Variants in UNC5C observed in about 807,000 individuals in gnomAD.
UNC5C encodes unc-5 netrin receptor C, also known as netrin receptor UNC5C.
In UNC5C, 47 loss-of-function variants were observed where a neutral mutation model predicts 99.8. The observed-to-expected ratio is 0.47, with a 90% confidence interval of 0.37 to 0.60. UNC5C has a LOEUF of 0.60. Ranked by LOEUF, UNC5C falls within the 20% of genes least tolerant of loss-of-function variation. The pLI is 0.00. For synonymous variants in UNC5C, 487 were observed against 452.2 expected, an observed-to-expected ratio of 1.08 and a Z score of -0.98; for missense variants, 1,062 against 1,165.9, an observed-to-expected ratio of 0.91 and a Z score of 1.30.
At chr4:95,356,506 TC>T (rs753385808) in intron 1 of UNC5C, among the ~76,000 whole-genome samples, 6 of 152,162 alleles carry the variant, frequency 3.9e-5, no homozygotes, top group Non-Finnish European at 8.8e-5. Context: ...TTCATAATGA[TC>T]TTTTGCCTTT....
At chr4:95,429,263 T>C (rs1746566132) in intron 1 of UNC5C, among the ~76,000 whole-genome samples, 1 of 134,576 alleles carries the variant, frequency 7.4e-6, no homozygotes, top group Non-Finnish European at 1.6e-5. Context: ...TCCCTTTAAA[T>C]AATACTTAGT....
At chr4:95,326,227 G>T (rs993715364) in intron 2 of UNC5C, among the ~76,000 whole-genome samples, 2 of 151,572 alleles carry the variant, frequency 1.3e-5, no homozygotes, top group Non-Finnish European at 2.9e-5. Flanking sequence ...TATTTTTGTT[G>T]TGTTGACCTT....
chr4:95,308,892 C>A (rs1254211109), intron 2 of UNC5C, among the ~76,000 whole-genome samples: 1 of 149,112 alleles, frequency 6.7e-6, no homozygotes. Flanking sequence ...AAATCCATAT[C>A]AAAACTCCAA....
At chr4:95,175,220 A>C (rs1418707486) in intron 14 of UNC5C, among the ~76,000 whole-genome samples, 1 of 150,980 alleles carries the variant, frequency 6.6e-6, no homozygotes, top group Admixed American at 6.6e-5. Context: ...GTGTCTTTTA[A>C]TTGGAGCATT....
intron 7 of UNC5C, among the ~76,000 whole-genome samples, chr4:95,234,709 G>C (rs111433339): frequency 6.6e-6 from 1 of 152,092 alleles, no homozygotes; most frequent in Non-Finnish European, 1.5e-5. Flanking sequence ...TAATTTGAAG[G>C]CACCAAGGCA....
intron 3 of UNC5C, among the ~76,000 whole-genome samples, chr4:95,300,371 CATTTATT>C (rs1388396547): frequency 4.6e-5 from 7 of 152,174 alleles, no homozygotes; most frequent in African/African-American, 1.7e-4. Context: ...ATATTTCTTA[CATTTATT>C]TGATTATGGA....
At chr4:95,538,742 TG>T (rs1250696482) in intron 1 of UNC5C, among the ~76,000 whole-genome samples, 1 of 152,202 alleles carries the variant, frequency 6.6e-6, no homozygotes, top group Non-Finnish European at 1.5e-5. Context: ...AATCAATATA[TG>T]TTTATATATT....
intron 1 of UNC5C, among the ~76,000 whole-genome samples, chr4:95,340,847 T>C (rs1333853570): frequency 6.6e-6 from 1 of 152,134 alleles, no homozygotes; most frequent in Admixed American, 6.6e-5. Flanking sequence ...TTCCAGCCTA[T>C]CATCTCTACC....
rs6851441 is a variant in UNC5C, at chr4:95,260,385, A to G, written c.595-9718T>C. Among the ~76,000 whole-genome samples the G allele has an allele frequency of 7.2e-3, 1,104 of 152,294 alleles. 9 individuals carry two copies. The highest frequency in any genetic ancestry group is 0.025 in the African/African-American group (1,045 of 41,556). The stretch of plus-strand genomic sequence containing the variant: ...TTCTGAGCCCATTCTCCCACCACTG[A>G]TTAAGACTGGGGTGGCAGGTATTAG... On this transcript the variant is annotated intron_variant, in intron 4 of 15. Transcript: ENST00000453304.
chr4:95,428,807 A>G (rs1459620207), intron 1 of UNC5C, among the ~76,000 whole-genome samples: 1 of 152,138 alleles, frequency 6.6e-6, no homozygotes, highest in African/African-American at 2.4e-5. Context: ...CCATCTATTC[A>G]GAGTAAAGGT....
At chr4:95,384,406 T>C (rs759759180) in intron 1 of UNC5C, among the ~76,000 whole-genome samples, 35 of 152,282 alleles carry the variant, frequency 2.3e-4, no homozygotes, top group Middle Eastern at 3.4e-3. Flanking sequence ...GATGAGATCA[T>C]GTTTTGCGGA....
At chr4:95,401,692 G>A (rs1049970588) in intron 1 of UNC5C, among the ~76,000 whole-genome samples, 3 of 152,202 alleles carry the variant, frequency 2.0e-5, no homozygotes, top group Admixed American at 6.5e-5. Context: ...GTCTAACCCT[G>A]AGAAGCTGAG....
intron 11 of UNC5C, among the ~76,000 whole-genome samples, chr4:95,204,663 A>T (rs1737810546): frequency 6.6e-6 from 1 of 152,218 alleles, no homozygotes; most frequent in Non-Finnish European, 1.5e-5. Flanking sequence ...GCACTGTCAG[A>T]GACAAGAGTC....
chr4:95,348,729 C>G (rs917625495), intron 1 of UNC5C, among the ~76,000 whole-genome samples: 3 of 150,906 alleles, frequency 2.0e-5, no homozygotes, highest in Non-Finnish European at 4.4e-5. Context: ...TTACAGAAAT[C>G]CAATGAAAAC....
chr4:95,350,016 T>C (rs1281044702), intron 1 of UNC5C, among the ~76,000 whole-genome samples: 2 of 152,304 alleles, frequency 1.3e-5, no homozygotes, highest in East Asian at 3.9e-4. Flanking sequence ...AAATAGAAGA[T>C]AGTAAATTTA....
intron 3 of UNC5C, among the ~76,000 whole-genome samples, chr4:95,289,431 T>G (rs926524951): frequency 6.6e-6 from 1 of 152,220 alleles, no homozygotes; most frequent in Non-Finnish European, 1.5e-5. Flanking sequence ...ACTCACTTTC[T>G]GACCTAGGCC....
chr4:95,261,742 C>T (rs570941319), intron 4 of UNC5C, among the ~76,000 whole-genome samples: 87 of 149,228 alleles, frequency 5.8e-4, no homozygotes, highest in African/African-American at 2.0e-3. Flanking sequence ...CTCGCTCTGT[C>T]GCCCAGGCTG....
intron 1 of UNC5C, among the ~76,000 whole-genome samples, chr4:95,341,484 G>A (rs1471455441): frequency 8.0e-6 from 1 of 125,200 alleles, no homozygotes; most frequent in Non-Finnish European, 1.7e-5. Context: ...GAAAGAGAGA[G>A]AAAGAAAGAA....
intron 2 of UNC5C, among the ~76,000 whole-genome samples, chr4:95,313,374 A>G (rs749992925): frequency 4.6e-5 from 7 of 152,174 alleles, no homozygotes; most frequent in Non-Finnish European, 7.3e-5. Context: ...TGTCTCTATG[A>G]GTAAACAAGG....
Sources: gnomAD v4.1 joint callset for allele counts (sites outside exome capture counted in the v4.1 genomes callset) on GRCh38, gnomAD v4.1.1 for gene constraint, MANE v1.5 for transcripts, NCBI Gene and HGNC (gene_info 2026-07-23, HGNC 2026-07-21) for gene names.